Variants in CCNT2 observed in about 807,000 individuals in gnomAD.
The protein encoded by CCNT2 is cyclin-T2.
Under a neutral mutation model 70.0 loss-of-function variants are expected in CCNT2, and 18 were observed. The ratio of observed to expected loss-of-function variants is 0.26; its 90% CI spans 0.18 to 0.38. The LOEUF is 0.38. Ranked by LOEUF, CCNT2 falls within the 10% of genes least tolerant of loss-of-function variation. The pLI is 1.00. For missense variants in CCNT2, 734 were observed against 890.2 expected (o/e 0.82, Z 2.23); for synonymous variants, 334 against 313.3 (o/e 1.07, Z -0.70).
rs772559544 is a variant in CCNT2, at chr2:134,953,258, T to C, written c.803T>C (p.Val268Ala). The change falls in exon 9 of 9, where the codon GTA becomes GCA. Residue 268 changes from valine (V) to alanine (A), a missense_variant. Physicochemically the swap from Val to Ala is moderately conservative, Grantham distance 64. Coordinates refer to ENST00000264157, the MANE Select transcript of CCNT2 (RefSeq NM_058241.3). ...AATCAGGCAGCTAGGAAACCAAAAGTAGATGGACAGGTATCAGAGACACCA... is the reference window on the plus strand; with the variant it reads ...AATCAGGCAGCTAGGAAACCAAAAGCAGATGGACAGGTATCAGAGACACCA... ...RANQAARKPK[V>A]DGQVSETPLL... 12 of 1,611,288 alleles carry C rather than the reference T, an allele frequency of 7.4e-6. No homozygotes were observed. In the East Asian group the frequency reaches 2.5e-4, roughly 33 times the overall value.
chr2:134,919,890 A>C lies in CCNT2; in HGVS notation c.239A>C (p.Asn80Thr). ...CATTCTTTCACCAAATTCAACAAAAATGTAAGTACTAGTTGTCTGTTTTTA... is the reference window on the plus strand; with the variant it reads ...CATTCTTTCACCAAATTCAACAAAACTGTAAGTACTAGTTGTCTGTTTTTA... ...MHHSFTKFNK[N>T]IISSTALFLA... Residue 80 changes from asparagine to threonine, a missense_variant and splice_region_variant, in exon 2 of 9, where the codon AAT becomes ACT. Asn to Thr is a moderately conservative substitution (Grantham distance 65). Coordinates refer to ENST00000264157, the MANE Select transcript of CCNT2 (RefSeq NM_058241.3). 6.3e-7 allele frequency: 1 copy of C among 1,588,276 alleles called. No homozygotes were observed. Among genetic ancestry groups the C allele is most frequent in the East Asian group, 2.3e-5 (1 of 43,700 alleles).
Position 134,954,608 on chromosome 2 carries a change from T to C in CCNT2, c.2153T>C (p.Met718Thr). The C allele has an allele frequency of 6.2e-7, 1 of 1,613,172 alleles. No homozygotes were observed. Among genetic ancestry groups the C allele is most frequent in the Non-Finnish European group, 8.5e-7 (1 of 1,179,144 alleles). Reference sequence around the variant, plus strand: ...ATGGACTACAAAGACACATTCGACATGCTGGACTCACTGTTAAGTGCCCAA... The same window carrying C: ...ATGGACTACAAAGACACATTCGACACGCTGGACTCACTGTTAAGTGCCCAA... ...QHMDYKDTFDMLDSLLSAQGM... is the reference protein window; with the variant it reads ...QHMDYKDTFDTLDSLLSAQGM... Residue 718 changes from methionine (M) to threonine (T), a missense_variant, in exon 9 of 9, where the codon ATG becomes ACG. By Grantham distance (81) the Met-to-Thr change is moderately conservative (BLOSUM62 -1). Around this residue, in one of 3 missense-constraint regions of CCNT2, gnomAD observed 532 missense variants for 556.9 expected, o/e 0.96. Transcript: ENST00000264157.
At chr2:134,949,803 G>GGA (rs1553525568) in intron 7 of CCNT2, among the ~76,000 whole-genome samples, 5 of 63,702 alleles carry the variant, frequency 7.8e-5, no homozygotes, top group Non-Finnish European at 1.2e-4. Context: ...TTTTTTTTTC[G>GGA]GGGGGGGGGT....
At chr2:134,944,688 A>G (rs1243660163) in intron 5 of CCNT2, 1 of 983,172 alleles carries the variant, frequency 1.0e-6, no homozygotes, top group Non-Finnish European at 1.2e-6. Flanking sequence ...TTGTCTGACT[A>G]ACATTTCAGG....
rs1334497881 is a variant in CCNT2, at chr2:134,953,440, G to C, written c.985G>C (p.Asp329His). Residue 329 changes from aspartate to histidine, a missense_variant, in exon 9 of 9, where the codon GAT (aspartate) becomes CAT (histidine). Physicochemically the swap from Asp to His is moderately conservative, Grantham distance 81. Transcript: ENST00000264157. Reference sequence around the variant, plus strand: ...TTCTGTTCAAGACAGCCATACATCTGATAATTTGTCAATGCTAGCAACAGG... The same window carrying C: ...TTCTGTTCAAGACAGCCATACATCTCATAATTTGTCAATGCTAGCAACAGG... ...NISVQDSHTS[D>H]NLSMLATGMP... 1 of 1,612,952 alleles carries C rather than the reference G, an allele frequency of 6.2e-7. No individual in the cohort carries two copies. The highest frequency in any genetic ancestry group is 1.7e-5 in the Admixed American group (1 of 59,978).
intron 8 of CCNT2, 56 bp downstream of exon 8, chr2:134,952,767 AGC>A: frequency 8.1e-7 from 1 of 1,227,488 alleles, no homozygotes. Context: ...ACATTTACAT[AGC>A]TAACCAGTTT....
In CCNT2 at chr2:134,958,668, C is replaced by G. The variant is rs1683052442; in HGVS notation, c.*4020C>G. On this transcript the variant is annotated 3_prime_UTR_variant, in exon 9 of 9. Coordinates refer to ENST00000264157, the MANE Select transcript of CCNT2 (RefSeq NM_058241.3). ...CATGGAAGCCGAAATCAAAAGGTTG[C>G]TTTTGTTAGTTTCCCTGGAGCATCT... The G allele has an allele frequency of 6.6e-6, 1 of 152,166 alleles. No individual in the cohort carries two copies. The highest frequency in any genetic ancestry group is 6.5e-5 in the Admixed American group (1 of 15,274). The allele number at this position is 152,166 out of a possible 1,614,324, so 9.4% of individuals were successfully genotyped here.
intron 2 of CCNT2, among the ~76,000 whole-genome samples, chr2:134,935,040 G>T (rs1489583486): frequency 6.6e-6 from 1 of 152,128 alleles, no homozygotes; most frequent in Non-Finnish European, 1.5e-5. Flanking sequence ...TTTAATATTA[G>T]TGCCACTATA....
intron 2 of CCNT2, among the ~76,000 whole-genome samples, chr2:134,924,520 G>T (rs1014037375): frequency 6.6e-6 from 1 of 152,090 alleles, no homozygotes; most frequent in African/African-American, 2.4e-5. Context: ...TGCAATCTCG[G>T]CTCGCTGCAA....
intron 6 of CCNT2, chr2:134,946,555 CATT>C (rs1681980887): frequency 3.7e-6 from 1 of 272,120 alleles, no homozygotes; most frequent in Non-Finnish European, 5.6e-6. Flanking sequence ...TTAAAATACT[CATT>C]AAAGTTTTTT....
In CCNT2 at chr2:134,955,338, G is replaced by A. The variant is rs1050770083; in HGVS notation, c.*690G>A. ...CACTTCACTACCAGATGTGTGCAGT[G>A]CAACAGATGGTCATATACACTGTGA... is the stretch of plus-strand genomic sequence containing the variant. On this transcript the variant is annotated 3_prime_UTR_variant, in exon 9 of 9. Transcript: ENST00000264157. The A allele has an allele frequency of 5.2e-5, 8 of 152,838 alleles. No individual in the cohort carries two copies. The highest frequency in any genetic ancestry group is 1.9e-4 in the African/African-American group (8 of 41,556). 9.5% of individuals were successfully genotyped at this position (152,838 alleles called of 1,614,324 possible). A position where few individuals can be genotyped will look rare whatever the true frequency, so the allele number is the denominator to read the frequency against.
At chr2:134,951,089 G>A (rs187904580) in intron 7 of CCNT2, among the ~76,000 whole-genome samples, 119 of 151,170 alleles carry the variant, frequency 7.9e-4, no homozygotes, top group African/African-American at 2.8e-3. Flanking sequence ...TGGGCATTAG[G>A]GTTTTTTTCA....
At chr2:134,921,353 A>ATT (rs66839618) in intron 2 of CCNT2, among the ~76,000 whole-genome samples, 31 of 150,470 alleles carry the variant, frequency 2.1e-4, no homozygotes, top group African/African-American at 6.1e-4. Flanking sequence ...TTATTTATTA[A>ATT]TTTTTTTTTT....
intron 2 of CCNT2, among the ~76,000 whole-genome samples, chr2:134,928,656 A>T (rs1680490796): frequency 6.6e-6 from 1 of 152,076 alleles, no homozygotes; most frequent in Admixed American, 6.6e-5. Context: ...TTGGCCATTC[A>T]CACTATAGTA....
In CCNT2 at chr2:134,929,814, C is replaced by T. The variant is rs564904586; in HGVS notation, c.241-7027C>T. 4.0e-5 allele frequency among the ~76,000 whole-genome samples: 6 copies of T among 151,644 alleles called. No individual in the cohort carries two copies. In the East Asian group the frequency reaches 1.2e-3, roughly 30 times the overall value. ...TACAGGCATGCACCACCATGCCTGG[C>T]TAATTTTTGTATTTTTAGTAATGGC... On this transcript the variant is annotated intron_variant, in intron 2 of 8. Transcript: ENST00000264157.
intron 3 of CCNT2, among the ~76,000 whole-genome samples, chr2:134,937,896 A>C (rs1334632588): frequency 6.6e-6 from 1 of 152,234 alleles, no homozygotes; most frequent in Non-Finnish European, 1.5e-5. Context: ...CCTAGGCAAC[A>C]AGAGTGAAAC....
chr2:134,946,185 C>T, intron 6 of CCNT2, 39 bp downstream of exon 6: 1 of 1,600,660 alleles, frequency 6.2e-7, no homozygotes, highest in Non-Finnish European at 8.5e-7. Context: ...TGTTGTAGCA[C>T]ACTATAGCTT....
At chr2:134,930,693 T>C (rs1383009824) in intron 2 of CCNT2, among the ~76,000 whole-genome samples, 2 of 152,180 alleles carry the variant, frequency 1.3e-5, no homozygotes, top group East Asian at 3.9e-4. Context: ...CTTTTTTTTA[T>C]CGTAGCCATC....
chr2:134,952,835 A>G (rs1682626229), intron 8 of CCNT2, 124 bp downstream of exon 8: 1 of 694,148 alleles, frequency 1.4e-6, no homozygotes, highest in East Asian at 2.7e-5. Flanking sequence ...AACGTATCTC[A>G]AGTTACATAT....
Sources: allele counts gnomAD v4.1 joint callset (sites outside exome capture counted in the v4.1 genomes callset), GRCh38; gene constraint gnomAD v4.1.1; regional missense constraint gnomAD v4.1.1; transcripts MANE v1.5; gene names NCBI Gene and HGNC (gene_info 2026-07-23, HGNC 2026-07-21).